Variants in CATSPERB observed in about 807,000 individuals in gnomAD.
CATSPERB encodes the protein cation channel sperm-associated auxiliary subunit beta.
In CATSPERB, 93 loss-of-function variants were observed where a neutral mutation model predicts 128.3. The ratio of observed to expected loss-of-function variants is 0.72; its 90% CI spans 0.61 to 0.86. The LOEUF is 0.86. Among genes scored for constraint, CATSPERB ranks in the 40% least tolerant of loss-of-function variants. The pLI is 0.00. For missense variants in CATSPERB, 1,153 were observed against 1,329.5 expected, an observed-to-expected ratio of 0.87 and a Z score of 2.06; for synonymous variants, 381 against 448.8, an observed-to-expected ratio of 0.85 and a Z score of 1.91.
intron 15 of CATSPERB, among the ~76,000 whole-genome samples, chr14:91,652,050 G>A (rs1451781525): frequency 6.6e-6 from 1 of 152,010 alleles, no homozygotes; most frequent in Non-Finnish European, 1.5e-5. Context: ...TAGAATACAA[G>A]AAGTAAAAAG....
chr14:91,601,574 G>C (rs1190691736), intron 22 of CATSPERB, among the ~76,000 whole-genome samples: 1 of 152,068 alleles, frequency 6.6e-6, no homozygotes, highest in South Asian at 2.1e-4. Context: ...TCAGGTTCAA[G>C]GTTGAGTTTA....
chr14:91,666,752 C>T (rs973723156), intron 14 of CATSPERB, among the ~76,000 whole-genome samples: 4 of 152,124 alleles, frequency 2.6e-5, no homozygotes, highest in African/African-American at 4.8e-5. Flanking sequence ...ATCAGACAAC[C>T]GCCTACTTAG....
intron 15 of CATSPERB, among the ~76,000 whole-genome samples, chr14:91,648,596 A>T (rs1894647699): frequency 7.2e-6 from 1 of 139,642 alleles, no homozygotes; most frequent in African/African-American, 2.7e-5. Flanking sequence ...ATTCTTTTAG[A>T]GCATTGACTC....
intron 18 of CATSPERB, 108 bp from the exon 19 acceptor site, chr14:91,622,045 T>C (rs1894058394): frequency 2.9e-6 from 2 of 691,890 alleles, no homozygotes; most frequent in Non-Finnish European, 4.6e-6. Flanking sequence ...TTAAACTATC[T>C]CTTAACCAGA....
At chr14:91,617,540 T>A in intron 20 of CATSPERB, 57 bp downstream of exon 20, 2 of 1,360,210 alleles carry the variant, frequency 1.5e-6, no homozygotes, top group South Asian at 1.4e-5. Context: ...TAATAATAGT[T>A]GTTTCAGAAA....
chr14:91,603,658 C>A (rs1893647470), intron 22 of CATSPERB, among the ~76,000 whole-genome samples: 1 of 152,074 alleles, frequency 6.6e-6, no homozygotes, highest in South Asian at 2.1e-4. Context: ...TCTGGGGATG[C>A]CTCAAGGAAC....
intron 4 of CATSPERB, among the ~76,000 whole-genome samples, chr14:91,721,461 T>C (rs1387741367): frequency 6.6e-6 from 1 of 152,158 alleles, no homozygotes; most frequent in Non-Finnish European, 1.5e-5. Context: ...AATAAGTACA[T>C]GAAAAGATAC....
intron 2 of CATSPERB, among the ~76,000 whole-genome samples, chr14:91,727,381 C>T (rs750145260): frequency 1.3e-5 from 2 of 151,966 alleles, no homozygotes; most frequent in Non-Finnish European, 2.9e-5. Context: ...AAGAACCATG[C>T]CAAAGATTGG....
intron 10 of CATSPERB, among the ~76,000 whole-genome samples, chr14:91,690,285 G>A (rs1034610601): frequency 3.9e-5 from 6 of 152,214 alleles, no homozygotes; most frequent in East Asian, 1.9e-4. Flanking sequence ...GGGCTATCGC[G>A]CCTGGCCATA....
intron 26 of CATSPERB, among the ~76,000 whole-genome samples, chr14:91,583,431 T>A (rs1427509410): frequency 6.6e-6 from 1 of 151,274 alleles, no homozygotes; most frequent in East Asian, 1.9e-4. Flanking sequence ...AAAAAAAAAT[T>A]TTCACTTGCT....
chr14:91,590,347 A>C (rs1458132005), intron 23 of CATSPERB, among the ~76,000 whole-genome samples: 1 of 152,096 alleles, frequency 6.6e-6, no homozygotes, highest in Non-Finnish European at 1.5e-5. Flanking sequence ...TATGGCCAAC[A>C]TGGTGAAACC....
At chr14:91,695,167 T>C (rs955843849) in intron 7 of CATSPERB, among the ~76,000 whole-genome samples, 3 of 149,874 alleles carry the variant, frequency 2.0e-5, no homozygotes, top group Admixed American at 6.7e-5. Flanking sequence ...TCTCACTCCG[T>C]CATCCAGGCT....
intron 7 of CATSPERB, among the ~76,000 whole-genome samples, chr14:91,694,037 C>G (rs930818419): frequency 6.6e-6 from 1 of 152,134 alleles, no homozygotes; most frequent in Non-Finnish European, 1.5e-5. Context: ...AAATCCACTT[C>G]CTTTGTGAAA....
chr14:91,627,993 A>G (rs1246780735), intron 17 of CATSPERB, among the ~76,000 whole-genome samples: 3 of 152,006 alleles, frequency 2.0e-5, no homozygotes, highest in Non-Finnish European at 4.4e-5. Context: ...AGAAAAAAAT[A>G]TATATTTATA....
At chr14:91,633,583 G>A (rs991969124) in intron 17 of CATSPERB, among the ~76,000 whole-genome samples, 3 of 151,822 alleles carry the variant, frequency 2.0e-5, no homozygotes. Context: ...TATGAAAACA[G>A]GTAATATACA....
At chr14:91,714,178 A>G (rs941852154) in intron 5 of CATSPERB, among the ~76,000 whole-genome samples, 1 of 151,910 alleles carries the variant, frequency 6.6e-6, no homozygotes, top group Admixed American at 6.6e-5. Flanking sequence ...GTAAAACATG[A>G]ATGTTTTTTC....
rs1489124043 is a variant in CATSPERB at position 91,589,528 on chromosome 14, C to A, written c.2956+6G>T. On this transcript the variant is annotated splice_donor_region_variant and intron_variant, in intron 24 of 26. Transcript: ENST00000256343. ...TAAAATAATTACAGATGAAAGCAAACCCTACTCAGTTTCCAGTTGTGCCTC... is the reference window on the plus strand; with the variant it reads ...TAAAATAATTACAGATGAAAGCAAAACCTACTCAGTTTCCAGTTGTGCCTC... 1.9e-6 allele frequency: 3 copies of A among 1,609,978 alleles called. No individual in the cohort carries two copies. In the African/African-American group the frequency reaches 4.0e-5, roughly 22 times the overall value.
chr14:91,624,920 C>A lies in CATSPERB; in HGVS notation c.1830G>T (p.Glu610Asp). Residue 610 changes from glutamate to aspartate, a missense_variant, in exon 18 of 27, where the codon GAG becomes GAT. Glu to Asp is a conservative substitution (Grantham distance 45, BLOSUM62 2). Transcript: ENST00000256343. ...CATTCACTTCTTCTAATCCAAAGGG[C>A]TCTTTCATTTCTGCAATAACTGAGG... ...FLSSVIAEMK[E>D]PFGLEEVNES... The A allele has an allele frequency of 6.2e-7, 1 of 1,613,168 alleles. No individual in the cohort carries two copies. The highest frequency in any genetic ancestry group is 8.5e-7 in the Non-Finnish European group (1 of 1,179,658).
intron 19 of CATSPERB, among the ~76,000 whole-genome samples, chr14:91,620,569 C>T (rs1894024324): frequency 6.6e-6 from 1 of 151,968 alleles, no homozygotes; most frequent in South Asian, 2.1e-4. Context: ...TTCCATTGTG[C>T]TATTTCGCTA....
Sources: allele counts gnomAD v4.1 joint callset (sites outside exome capture counted in the v4.1 genomes callset), GRCh38; gene constraint gnomAD v4.1.1; transcripts MANE v1.5; gene names NCBI Gene and HGNC (gene_info 2026-07-23, HGNC 2026-07-21).